RIMS1: variants seen among roughly 807,000 people sequenced by gnomAD.
RIMS1 encodes the protein regulating synaptic membrane exocytosis 1, also known as regulating synaptic membrane exocytosis protein 1.
In RIMS1, 83 loss-of-function variants were observed where a neutral mutation model predicts 214.1. The ratio of observed to expected loss-of-function variants is 0.39; its 90% CI spans 0.32 to 0.47. The LOEUF (loss-of-function observed/expected upper bound fraction) is 0.47, where lower values mean the gene tolerates loss of function less well. Among genes scored for constraint, RIMS1 ranks in the 20% least tolerant of loss-of-function variants. The pLI is 0.99. For missense variants in RIMS1, 2,050 were observed against 2,161.8 expected (o/e 0.95, Z 1.03); for synonymous variants, 793 against 786.8 (o/e 1.01, Z -0.13).
chr6:72,331,931 A>G (rs1345922883), intron 28 of RIMS1, among the ~76,000 whole-genome samples: 1 of 151,768 alleles, frequency 6.6e-6, no homozygotes, highest in African/African-American at 2.4e-5. Context: ...AGAGGTCTCA[A>G]TTTTCAATTC....
intron 23 of RIMS1, among the ~76,000 whole-genome samples, chr6:72,282,833 A>G (rs2090803240): frequency 1.3e-5 from 2 of 152,010 alleles, no homozygotes; most frequent in Admixed American, 6.6e-5. Flanking sequence ...TCACTCCTCT[A>G]TTTCTTCCTT....
intron 6 of RIMS1, among the ~76,000 whole-genome samples, chr6:72,200,588 G>T (rs570352950): frequency 6.6e-6 from 1 of 152,304 alleles, no homozygotes; most frequent in East Asian, 1.9e-4. Context: ...TACCTGGCCT[G>T]ACTTTTTCTG....
intron 28 of RIMS1, 61 bp downstream of exon 28, chr6:72,313,733 A>G: frequency 6.8e-7 from 1 of 1,469,526 alleles, no homozygotes. Flanking sequence ...AAATACAACT[A>G]GCTTCCTGAA....
intron 2 of RIMS1, among the ~76,000 whole-genome samples, chr6:72,041,288 A>C (rs1256800836): frequency 6.6e-6 from 1 of 151,968 alleles, no homozygotes; most frequent in Non-Finnish European, 1.5e-5. Flanking sequence ...TACCTGCTAA[A>C]GTCAGCCAAT....
At chr6:72,301,726 A>G (rs1370445722) in intron 26 of RIMS1, among the ~76,000 whole-genome samples, 1 of 151,602 alleles carries the variant, frequency 6.6e-6, no homozygotes, top group Admixed American at 6.6e-5. Flanking sequence ...AAAGTATATG[A>G]GATGAGGTGC....
chr6:72,173,293 T>C (rs2463733), intron 4 of RIMS1, among the ~76,000 whole-genome samples: 72,611 of 151,702 alleles, frequency 0.48, 18,557 homozygotes, highest in East Asian at 0.82. Flanking sequence ...ATATTGAAAT[T>C]TCATAATGAT....
At chr6:72,034,111 C>T (rs1818912747) in intron 2 of RIMS1, among the ~76,000 whole-genome samples, 1 of 152,044 alleles carries the variant, frequency 6.6e-6, no homozygotes, top group African/African-American at 2.4e-5. Flanking sequence ...TGTGTTTTCA[C>T]CTCAAATGAG....
At chr6:71,909,295 G>A (rs1325614635) in intron 1 of RIMS1, among the ~76,000 whole-genome samples, 1 of 152,162 alleles carries the variant, frequency 6.6e-6, no homozygotes, top group African/African-American at 2.4e-5. Context: ...AAAGTGCCCA[G>A]CCTGCTGTTT....
chr6:72,001,659 A>T (rs1428100439), intron 2 of RIMS1, among the ~76,000 whole-genome samples: 1 of 152,212 alleles, frequency 6.6e-6, no homozygotes, highest in African/African-American at 2.4e-5. Flanking sequence ...GTTACTATAG[A>T]CTAAAACTTT....
At chr6:71,979,475 T>G (rs971384457) in intron 2 of RIMS1, among the ~76,000 whole-genome samples, 1 of 152,108 alleles carries the variant, frequency 6.6e-6, no homozygotes, top group Non-Finnish European at 1.5e-5. Context: ...CATGACAGCA[T>G]TGTGTATTCC....
intron 1 of RIMS1, among the ~76,000 whole-genome samples, chr6:71,936,706 T>A (rs1005588496): frequency 2.0e-5 from 3 of 152,186 alleles, no homozygotes; most frequent in African/African-American, 7.2e-5. Flanking sequence ...GAAGATTGTT[T>A]TTGGCTTTGG....
chr6:72,344,476 T>C (rs1362206607), intron 29 of RIMS1, among the ~76,000 whole-genome samples: 3 of 151,810 alleles, frequency 2.0e-5, no homozygotes, highest in Non-Finnish European at 4.4e-5. Flanking sequence ...TTTCAGAAAC[T>C]GAAAGCTACA....
chr6:72,181,326 A>T (rs924853304), intron 5 of RIMS1, among the ~76,000 whole-genome samples: 1 of 152,240 alleles, frequency 6.6e-6, no homozygotes, highest in Non-Finnish European at 1.5e-5. Flanking sequence ...ATTTGGAGAA[A>T]GGATAGAAAG....
At chr6:72,246,280 CAA>C (rs1445747239) in intron 11 of RIMS1, among the ~76,000 whole-genome samples, 1 of 152,056 alleles carries the variant, frequency 6.6e-6, no homozygotes, top group East Asian at 1.9e-4. Context: ...TACTGAATAA[CAA>C]AGTGTGTGGA....
chr6:72,353,397 A>G (rs967058410), intron 29 of RIMS1, among the ~76,000 whole-genome samples: 1 of 152,200 alleles, frequency 6.6e-6, no homozygotes, highest in Non-Finnish European at 1.5e-5. Flanking sequence ...CGAGTTTCAA[A>G]GCCTGTCAGA....
At chr6:71,890,931 T>A (rs1225087502) in intron 1 of RIMS1, among the ~76,000 whole-genome samples, 2 of 152,194 alleles carry the variant, frequency 1.3e-5, no homozygotes, top group Non-Finnish European at 2.9e-5. Flanking sequence ...CATGGTCCAA[T>A]CATGATTCAA....
chr6:71,986,800 A>G (rs1800099079), intron 2 of RIMS1, among the ~76,000 whole-genome samples: 1 of 152,238 alleles, frequency 6.6e-6, no homozygotes, highest in South Asian at 2.1e-4. Context: ...AATATCAATC[A>G]GTTGGAATGG....
chr6:72,321,947 T>C (rs1367508851), intron 28 of RIMS1, among the ~76,000 whole-genome samples: 2 of 152,120 alleles, frequency 1.3e-5, no homozygotes, highest in Non-Finnish European at 2.9e-5. Context: ...ATGTGTTTAC[T>C]CACCTCAATT....
intron 1 of RIMS1, among the ~76,000 whole-genome samples, chr6:71,914,245 T>C (rs184566409): frequency 6.6e-6 from 1 of 152,300 alleles, no homozygotes; most frequent in East Asian, 1.9e-4. Context: ...CTCTTTTTTT[T>C]TGGCCAGTTG....
Sources: allele counts gnomAD v4.1 joint callset (sites outside exome capture counted in the v4.1 genomes callset), GRCh38; gene constraint gnomAD v4.1.1; transcripts MANE v1.5; gene names NCBI Gene and HGNC (gene_info 2026-07-23, HGNC 2026-07-21).